ERP44: variants seen among roughly 807,000 people sequenced by gnomAD.
The protein encoded by ERP44 is endoplasmic reticulum protein 44.
ERP44 carries 25 observed loss-of-function variants against 53.4 expected under a neutral mutation model. The observed-to-expected ratio is 0.47, with a 90% CI of 0.34 to 0.65. ERP44 has a LOEUF of 0.65. Ranked by LOEUF, ERP44 falls within the 30% of genes least tolerant of loss-of-function variation. The pLI is 0.01. For synonymous variants in ERP44, 145 were observed against 161.2 expected, an observed-to-expected ratio of 0.90 and a Z score of 0.76; for missense variants, 338 against 493.2, an observed-to-expected ratio of 0.69 and a Z score of 2.98.
chr9:100,073,831 A>C (rs1826329047), intron 1 of ERP44, among the ~76,000 whole-genome samples: 2 of 152,300 alleles, frequency 1.3e-5, no homozygotes, highest in South Asian at 4.1e-4. Context: ...CAAGAAATAC[A>C]CTTTACACTG....
rs1830596479 is a variant in ERP44 at position 100,022,087 on chromosome 9, G to T, written c.426C>A (p.Asp142Glu). 5.6e-6 allele frequency: 9 copies of T among 1,613,682 alleles called. No individual in the cohort carries two copies. Among genetic ancestry groups the T allele is most frequent in the Non-Finnish European group, 7.6e-6 (9 of 1,179,886 alleles). The part of the protein sequence containing the change: ...LADYIRQQKS[D>E]PIQEIRDLAE... ...CTAAGTCCCGAATTTCTTGAATGGG[G>T]TCACTTTTTTGTTGCCTGATGTAAT... Residue 142 changes from aspartate (D) to glutamate (E), a missense_variant, in exon 5 of 12, where the codon GAC (aspartate) becomes GAA (glutamate). By Grantham distance (45) the Asp-to-Glu change is conservative (BLOSUM62 2). Transcript: ENST00000262455.
chr9:100,061,139 C>T (rs1826141823), intron 1 of ERP44, among the ~76,000 whole-genome samples: 1 of 152,190 alleles, frequency 6.6e-6, no homozygotes, highest in African/African-American at 2.4e-5. Flanking sequence ...ATAAGCCCAA[C>T]TAATTTTTAA....
rs137867217 is a variant in ERP44, at chr9:100,009,295, GT to G, written c.763-1607del. Among the ~76,000 whole-genome samples the G allele has an allele frequency of 9.4e-3, 1,433 of 152,060 alleles. 9 individuals are homozygous for G. The highest frequency in any genetic ancestry group is 0.019 in the South Asian group (92 of 4,818). On this transcript the variant is annotated intron_variant, in intron 8 of 11. Transcript: ENST00000262455. ...CCCAGCTAATTTTTTTGTATATTTA[GT>G]GGAGATGGGGTTTCACCATGTTGGC...
chr9:100,058,748 C>A (rs1826112053), intron 2 of ERP44, among the ~76,000 whole-genome samples: 1 of 152,140 alleles, frequency 6.6e-6, no homozygotes, highest in South Asian at 2.1e-4. Context: ...TTTTGCCTAT[C>A]CCTAATTCAG....
At chr9:100,079,817 C>G (rs185439625) in intron 1 of ERP44, among the ~76,000 whole-genome samples, 1 of 152,026 alleles carries the variant, frequency 6.6e-6, no homozygotes, top group East Asian at 1.9e-4. Context: ...TGCCTGTAGT[C>G]CTAGCTTCTT....
At chr9:100,082,662 C>T (rs1299394826) in intron 1 of ERP44, among the ~76,000 whole-genome samples, 2 of 151,780 alleles carry the variant, frequency 1.3e-5, no homozygotes, top group Non-Finnish European at 2.9e-5. Flanking sequence ...TGGTCCTCCA[C>T]ATCCTCAGGC....
At chr9:99,984,554 C>A (rs978714574) in intron 11 of ERP44, among the ~76,000 whole-genome samples, 7 of 152,124 alleles carry the variant, frequency 4.6e-5, no homozygotes, top group Admixed American at 3.9e-4. Flanking sequence ...AATGATTTAG[C>A]AAGAATAACA....
At chr9:100,058,061 T>A (rs904812705) in intron 2 of ERP44, among the ~76,000 whole-genome samples, 1 of 152,164 alleles carries the variant, frequency 6.6e-6, no homozygotes, top group Non-Finnish European at 1.5e-5. Context: ...GTATGCTTTA[T>A]CTTTATAAGT....
Position 100,042,380 on chromosome 9 carries a change from T to A in ERP44, c.286+10037A>T, listed in dbSNP as rs776480546. ...TGAGATACTATCTCACCCCAGTTAA[T>A]ATAGCTTTCATTCAAAAGACAGGCA... On this transcript the variant is annotated intron_variant, in intron 4 of 11. Coordinates refer to ENST00000262455, the MANE Select transcript of ERP44 (RefSeq NM_015051.3). 1.2e-4 allele frequency among the ~76,000 whole-genome samples: 19 copies of A among 152,144 alleles called. 1 individual carries two copies. The highest frequency in any genetic ancestry group is 6.5e-4 in the Admixed American group (10 of 15,282).
Position 99,981,605 on chromosome 9 carries a change from A to G in ERP44, c.*1007T>C, listed in dbSNP as rs576149215. Reference sequence around the variant, plus strand: ...GGCAGTATTGAGGCCTGGCACAGGGACCCATCTTACTGTATGCTGCAGGCC... The same window carrying G: ...GGCAGTATTGAGGCCTGGCACAGGGGCCCATCTTACTGTATGCTGCAGGCC... On this transcript the variant is annotated 3_prime_UTR_variant, in exon 12 of 12. Transcript: ENST00000262455. 6.5e-6 allele frequency: 1 copy of G among 152,684 alleles called. No homozygotes were observed. The highest frequency in any genetic ancestry group is 1.9e-4 in the East Asian group (1 of 5,186). 9.5% of individuals were successfully genotyped at this position (152,684 alleles called of 1,614,324 possible). A position where few individuals can be genotyped will look rare whatever the true frequency, so the allele number is the denominator to read the frequency against.
intron 1 of ERP44, among the ~76,000 whole-genome samples, chr9:100,096,560 T>G (rs1466958415): frequency 1.3e-5 from 2 of 151,998 alleles, no homozygotes; most frequent in Non-Finnish European, 2.9e-5. Context: ...CCTCCAGAAG[T>G]TTGGGATTAT....
rs1185953918 is a variant in ERP44, at chr9:100,068,700, G to A, written c.58-8528C>T. Among the ~76,000 whole-genome samples, 12 of 148,342 alleles carry A rather than the reference G, an allele frequency of 8.1e-5. No homozygotes were observed. The South Asian group carries it at 1.9e-3, about 24-fold the overall frequency. On this transcript the variant is annotated intron_variant, in intron 1 of 11. Transcript: ENST00000262455. ...AACCCCCCACCCGGCCAGCCGCCCCGTCCGGGAGGTGAGGGGCGCCTCTGC... is the reference window on the plus strand; with the variant it reads ...AACCCCCCACCCGGCCAGCCGCCCCATCCGGGAGGTGAGGGGCGCCTCTGC...
chr9:100,059,215 G>A (rs574551218), intron 2 of ERP44, among the ~76,000 whole-genome samples: 1 of 152,196 alleles, frequency 6.6e-6, no homozygotes, highest in African/African-American at 2.4e-5. Context: ...GTGTCAGATG[G>A]AGGATTAAAA....
intron 1 of ERP44, among the ~76,000 whole-genome samples, chr9:100,075,434 A>G (rs566171751): frequency 3.3e-5 from 5 of 152,130 alleles, no homozygotes; most frequent in East Asian, 1.9e-4. Context: ...GGGGATATCA[A>G]CTCTCCAGCT....
chr9:100,048,607 G>C (rs1226678436), intron 4 of ERP44, among the ~76,000 whole-genome samples: 1 of 152,142 alleles, frequency 6.6e-6, no homozygotes, highest in Non-Finnish European at 1.5e-5. Flanking sequence ...CAATAGCCAA[G>C]GGGCAGAATC....
rs145422046 is a variant in ERP44, at chr9:100,020,675, T to C, written c.528A>G (p.Arg176=). Reference sequence around the variant, plus strand: ...AAATATTCGCTACTCGTTCAAAAACTCTATAGTTGTCCGAGTCCTTTTGCT... The same window carrying C: ...AAATATTCGCTACTCGTTCAAAAACCCTATAGTTGTCCGAGTCCTTTTGCT... ...YFEQKDSDNY[R]VFERVANILH... is the part of the protein sequence containing the mutation. The change falls in exon 6 of 12, where the codon AGA becomes AGG. Residue 176 remains arginine, a synonymous_variant. Transcript: ENST00000262455. 8 of 1,611,406 alleles carry C rather than the reference T, an allele frequency of 5.0e-6. No homozygotes were observed. In the African/African-American group the frequency reaches 1.1e-4, roughly 22 times the overall value.
intron 1 of ERP44, among the ~76,000 whole-genome samples, chr9:100,092,155 G>C (rs1213763488): frequency 6.6e-6 from 1 of 152,146 alleles, no homozygotes; most frequent in Non-Finnish European, 1.5e-5. Flanking sequence ...CCTCTCTATG[G>C]AATCAAAGTT....
At chr9:100,091,142 C>T (rs1263390661) in intron 1 of ERP44, among the ~76,000 whole-genome samples, 2 of 152,132 alleles carry the variant, frequency 1.3e-5, no homozygotes, top group Admixed American at 1.3e-4. Context: ...ATGTTCGTGT[C>T]TACAAATTCA....
intron 4 of ERP44, among the ~76,000 whole-genome samples, chr9:100,043,692 T>C (rs1163524623): frequency 6.6e-6 from 1 of 151,970 alleles, no homozygotes; most frequent in East Asian, 1.9e-4. Flanking sequence ...GAGGCAGAAG[T>C]TGCAGTGAGC....
Sources: allele counts gnomAD v4.1 joint callset (sites outside exome capture counted in the v4.1 genomes callset), GRCh38; gene constraint gnomAD v4.1.1; transcripts MANE v1.5; gene names NCBI Gene and HGNC (gene_info 2026-07-23, HGNC 2026-07-21).